Variants in DCDC1 observed in about 807,000 individuals in gnomAD.
DCDC1 encodes the protein doublecortin domain-containing protein 1.
DCDC1 carries 200 observed loss-of-function variants against 178.3 expected under a neutral mutation model. The observed-to-expected ratio is 1.12, with a 90% CI of 1.00 to 1.26. The LOEUF (loss-of-function observed/expected upper bound fraction) is 1.26, where lower values mean the gene tolerates loss of function less well. Among genes scored for constraint, DCDC1 ranks in the 50% most tolerant of loss-of-function variants. The pLI, the probability that DCDC1 is intolerant of heterozygous loss-of-function variation, is 0.00. For synonymous variants in DCDC1, 690 were observed against 604.8 expected, an observed-to-expected ratio of 1.14 and a Z score of -2.07; for missense variants, 1,983 against 1,749.2, an observed-to-expected ratio of 1.13 and a Z score of -2.38.
At chr11:31,099,886 T>G (rs1259138212) in intron 15 of DCDC1, among the ~76,000 whole-genome samples, 1 of 152,028 alleles carries the variant, frequency 6.6e-6, no homozygotes, top group African/African-American at 2.4e-5. Flanking sequence ...ACCCAGCTAA[T>G]TTTTGTATTT....
intron 9 of DCDC1, among the ~76,000 whole-genome samples, chr11:31,241,016 A>T (rs72886090): frequency 0.015 from 2,332 of 152,110 alleles, 34 homozygotes; most frequent in Non-Finnish European, 0.023. Flanking sequence ...TACTCTTGAC[A>T]TGAAGTTGAT....
At chr11:31,109,091 C>T (rs1415574276) in intron 12 of DCDC1, among the ~76,000 whole-genome samples, 1 of 151,302 alleles carries the variant, frequency 6.6e-6, no homozygotes. Context: ...TAAGTCAACA[C>T]AAAAAGTTTC....
intron 8 of DCDC1, among the ~76,000 whole-genome samples, chr11:31,252,201 C>T (rs537961119): frequency 9.9e-4 from 151 of 152,244 alleles, no homozygotes; most frequent in African/African-American, 3.5e-3. Context: ...GCCTAGTCAA[C>T]ATTTTTATAA....
At chr11:31,297,157 G>A (rs944554243) in intron 6 of DCDC1, among the ~76,000 whole-genome samples, 1 of 152,132 alleles carries the variant, frequency 6.6e-6, no homozygotes, top group African/African-American at 2.4e-5. Flanking sequence ...CAGAGAAACT[G>A]AAGACGGTCA....
rs543615943 is a variant in DCDC1 at position 30,881,453 on chromosome 11, G to C, written c.5083-145C>G. On this transcript the variant is annotated intron_variant, in intron 36 of 38. Coordinates refer to ENST00000684477, the MANE Select transcript of DCDC1 (RefSeq NM_001387274.1). ...TGTTAGACATTCGTATAGAAGAGATGGGAAGAAGGGCATGCAAATGTTCCC... is the reference window on the plus strand; with the variant it reads ...TGTTAGACATTCGTATAGAAGAGATCGGAAGAAGGGCATGCAAATGTTCCC... 8.4e-5 allele frequency: 89 copies of C among 1,056,924 alleles called. 1 individual carries two copies. The South Asian group carries it at 1.5e-3, about 18-fold the overall frequency. The allele number at this position is 1,056,924 out of a possible 1,614,324, so 65.5% of individuals were successfully genotyped here. A position where few individuals can be genotyped will look rare whatever the true frequency, so the allele number is the denominator to read the frequency against.
chr11:31,035,559 T>C (rs1373321581), intron 20 of DCDC1, among the ~76,000 whole-genome samples: 1 of 152,244 alleles, frequency 6.6e-6, no homozygotes, highest in African/African-American at 2.4e-5. Context: ...CAGAGCTGTG[T>C]GTGCCCTTCT....
chr11:31,265,742 G>A (rs998088885), intron 7 of DCDC1, 142 bp from the exon 8 acceptor site: 18 of 359,256 alleles, frequency 5.0e-5, no homozygotes, highest in Admixed American at 1.5e-4. Context: ...TCTAATATAT[G>A]AAATTTAAAA....
At chr11:31,027,736 C>T (rs539452879) in intron 20 of DCDC1, among the ~76,000 whole-genome samples, 2 of 151,850 alleles carry the variant, frequency 1.3e-5, no homozygotes, top group South Asian at 4.1e-4. Flanking sequence ...GCATAAAAAA[C>T]TTCTTGTAGA....
At chr11:30,998,660 C>CT (rs1177745599) in intron 20 of DCDC1, among the ~76,000 whole-genome samples, 3 of 152,102 alleles carry the variant, frequency 2.0e-5, no homozygotes, top group Non-Finnish European at 2.9e-5. Flanking sequence ...GTGGGCAGAA[C>CT]TTTTGGGAGA....
At chr11:31,250,431 T>C (rs1359843725) in intron 8 of DCDC1, among the ~76,000 whole-genome samples, 3 of 78,240 alleles carry the variant, frequency 3.8e-5, no homozygotes, top group South Asian at 5.2e-4. Context: ...CATATATATG[T>C]ATATATATAT....
intron 7 of DCDC1, among the ~76,000 whole-genome samples, chr11:31,281,219 T>C (rs932051189): frequency 2.6e-5 from 4 of 152,102 alleles, no homozygotes; most frequent in African/African-American, 9.7e-5. Flanking sequence ...TTTCTTCCTT[T>C]CAAATTTATA....
intron 20 of DCDC1, among the ~76,000 whole-genome samples, chr11:31,016,921 G>C (rs548746001): frequency 1.3e-5 from 2 of 152,262 alleles, no homozygotes; most frequent in South Asian, 4.1e-4. Flanking sequence ...CTGAATGCAG[G>C]AGAAATAATT....
chr11:31,022,695 T>C (rs1053851922), intron 20 of DCDC1, among the ~76,000 whole-genome samples: 2 of 140,268 alleles, frequency 1.4e-5, no homozygotes, highest in Admixed American at 7.2e-5. Flanking sequence ...GTGGTATGTG[T>C]TTATCTATCT....
intron 35 of DCDC1, among the ~76,000 whole-genome samples, chr11:30,893,833 C>T (rs143941498): frequency 8.4e-4 from 128 of 152,216 alleles, no homozygotes; most frequent in African/African-American, 2.7e-3. Flanking sequence ...GGACTGAAAC[C>T]ACTTCTTTAA....
chr11:31,273,577 A>C (rs771321204), intron 7 of DCDC1, among the ~76,000 whole-genome samples: 1 of 152,178 alleles, frequency 6.6e-6, no homozygotes, highest in Non-Finnish European at 1.5e-5. Flanking sequence ...AAAGCCATTC[A>C]ACAAGTCTCT....
intron 28 of DCDC1, among the ~76,000 whole-genome samples, chr11:30,909,718 GA>G (rs1001171401): frequency 5.3e-5 from 8 of 151,618 alleles, no homozygotes; most frequent in South Asian, 2.1e-4. Flanking sequence ...TATAATAAAT[GA>G]AAAAAAGTAC....
At chr11:30,869,804 C>T (rs769634092) in intron 38 of DCDC1, among the ~76,000 whole-genome samples, 8 of 152,122 alleles carry the variant, frequency 5.3e-5, no homozygotes, top group African/African-American at 9.7e-5. Flanking sequence ...AGGGGACCTC[C>T]GGATTCCAAA....
At chr11:31,185,276 G>A (rs1969340476) in intron 9 of DCDC1, among the ~76,000 whole-genome samples, 1 of 152,188 alleles carries the variant, frequency 6.6e-6, no homozygotes. Context: ...GGAGGCTAAG[G>A]GAGGGACAGC....
At chr11:31,156,671 C>T (rs1004431839) in intron 9 of DCDC1, among the ~76,000 whole-genome samples, 5 of 152,080 alleles carry the variant, frequency 3.3e-5, no homozygotes, top group African/African-American at 1.2e-4. Context: ...TTGGACTAGA[C>T]ACATGTCAAG....
Sources: allele counts gnomAD v4.1 joint callset (sites outside exome capture counted in the v4.1 genomes callset), GRCh38; gene constraint gnomAD v4.1.1; transcripts MANE v1.5; gene names NCBI Gene and HGNC (gene_info 2026-07-23, HGNC 2026-07-21).